Variants in PRMT8 observed in about 807,000 individuals in gnomAD.
PRMT8 encodes the protein protein arginine methyltransferase 8, also known as protein arginine N-methyltransferase 8.
PRMT8 carries 7 observed loss-of-function variants against 47.1 expected under a neutral mutation model. The observed-to-expected ratio is 0.15, with a 90% confidence interval of 0.08 to 0.28. PRMT8 has a LOEUF of 0.28. Among genes scored for constraint, PRMT8 ranks in the 10% least tolerant of loss-of-function variants. The pLI is 1.00. For synonymous variants in PRMT8, 188 were observed against 186.5 expected, an observed-to-expected ratio of 1.01 and a Z score of -0.07; for missense variants, 237 against 505.4, an observed-to-expected ratio of 0.47 and a Z score of 5.09.
Position 3,570,858 on chromosome 12 carries a change from A to C in PRMT8, c.712+1294A>C, listed in dbSNP as rs942015725. ...CTCCAGCCAATCTGGTGTGATTTCC[A>C]CTATTTGACCTCCTGGGGGAAGGAG... On this transcript the variant is annotated intron_variant, in intron 6 of 9. Coordinates refer to ENST00000382622, the MANE Select transcript of PRMT8 (RefSeq NM_019854.5). This position sits in a 1 kb window ranked among gnomAD's most constrained non-coding sequence, Gnocchi z 5.5. Among the ~76,000 whole-genome samples, 1 of 152,144 alleles carries C rather than the reference A, an allele frequency of 6.6e-6. No individual in the cohort carries two copies.
At chr12:3,471,623 AC>A (rs1230131533) in intron 1 of PRMT8, among the ~76,000 whole-genome samples, 1 of 150,956 alleles carries the variant, frequency 6.6e-6, no homozygotes, top group African/African-American at 2.4e-5. Context: ...GCATCTGCTC[AC>A]CCCAACTTCT....
intron 1 of PRMT8, among the ~76,000 whole-genome samples, chr12:3,416,120 G>A (rs111291423): frequency 2.7e-4 from 41 of 152,234 alleles, no homozygotes; most frequent in African/African-American, 7.2e-4. Context: ...AAGCCTCCTC[G>A]GCCTGCCTAG....
chr12:3,394,824 G>A (rs1301351113), intron 1 of PRMT8, among the ~76,000 whole-genome samples: 2 of 151,534 alleles, frequency 1.3e-5, no homozygotes, highest in Non-Finnish European at 3.0e-5. Flanking sequence ...GAATTCAGCT[G>A]TGAATCCATC....
intron 8 of PRMT8, among the ~76,000 whole-genome samples, chr12:3,587,565 C>T (rs1867207802): frequency 6.6e-6 from 1 of 152,152 alleles, no homozygotes; most frequent in African/African-American, 2.4e-5. Context: ...CTGCATCTTC[C>T]TGGATGCCCC....
chr12:3,510,826 A>G (rs908210513), intron 1 of PRMT8, among the ~76,000 whole-genome samples: 2 of 152,162 alleles, frequency 1.3e-5, no homozygotes, highest in African/African-American at 2.4e-5. Flanking sequence ...ACTCCACGTA[A>G]TCCAGTCAAG....
At chr12:3,526,958 A>C (rs373268457) in intron 1 of PRMT8, among the ~76,000 whole-genome samples, 50 of 152,270 alleles carry the variant, frequency 3.3e-4, no homozygotes, top group African/African-American at 1.0e-3. Flanking sequence ...CTTTTAATTG[A>C]AGTGTATAGA....
chr12:3,554,034 C>T (rs1591599514), intron 4 of PRMT8, among the ~76,000 whole-genome samples: 1 of 152,188 alleles, frequency 6.6e-6, no homozygotes, highest in African/African-American at 2.4e-5. Context: ...ATTCCTCCTC[C>T]TCCTCCTCTT....
chr12:3,540,408 A>C (rs1866201311), intron 1 of PRMT8, among the ~76,000 whole-genome samples, 198 bp from the exon 2 acceptor site: 1 of 151,754 alleles, frequency 6.6e-6, no homozygotes, highest in Non-Finnish European at 1.5e-5. Context: ...TCCTCGGTGG[A>C]CTGCCATCTC....
intron 1 of PRMT8, among the ~76,000 whole-genome samples, chr12:3,531,364 G>A (rs2137153618): frequency 6.6e-6 from 1 of 152,328 alleles, no homozygotes; most frequent in South Asian, 2.1e-4. Context: ...TAATGAGGAA[G>A]AGCCAAGCAT....
At position 3,409,150 on chromosome 12, in the gene PRMT8, G is replaced by T. The variant is rs1363886877; in HGVS notation, c.48+27708G>T. ...GAAGGTTCACTCTCTGTGAAGCATG[G>T]GTGAATGCAGATGGCCCACAAAGCT... On this transcript the variant is annotated intron_variant, in intron 1 of 9. Transcript: ENST00000452611. This position sits in a 1 kb window ranked among gnomAD's most constrained non-coding sequence, Gnocchi z 4.4. 3.3e-5 allele frequency among the ~76,000 whole-genome samples: 5 copies of T among 152,104 alleles called. No homozygotes were observed. The highest frequency in any genetic ancestry group is 6.5e-5 in the Admixed American group (1 of 15,286).
chr12:3,393,766 T>C (rs1195235525), intron 1 of PRMT8, among the ~76,000 whole-genome samples: 1 of 124,670 alleles, frequency 8.0e-6, no homozygotes, highest in African/African-American at 3.1e-5. Context: ...CATTGGTAGC[T>C]TGATGGGGAT....
At chr12:3,498,845 C>T (rs565049071) in intron 1 of PRMT8, among the ~76,000 whole-genome samples, 79 of 152,330 alleles carry the variant, frequency 5.2e-4, no homozygotes, top group African/African-American at 1.8e-3. Context: ...TTTAAAACAA[C>T]GAGATGTCTT....
intron 7 of PRMT8, among the ~76,000 whole-genome samples, chr12:3,582,813 G>C (rs539094209): frequency 6.6e-6 from 1 of 152,056 alleles, no homozygotes; most frequent in African/African-American, 2.4e-5. Context: ...TTTATCTTCC[G>C]AATTCTGCTC....
chr12:3,436,394 A>G lies in PRMT8; in HGVS notation c.48+54952A>G, dbSNP rs373317693. Among the ~76,000 whole-genome samples the G allele has an allele frequency of 3.3e-5, 5 of 152,336 alleles. No individual in the cohort carries two copies. Among genetic ancestry groups the G allele is most frequent in the African/African-American group, 9.6e-5 (4 of 41,584 alleles). On this transcript the variant is annotated intron_variant, in intron 1 of 9. Transcript: ENST00000452611. This position sits in a 1 kb window ranked among gnomAD's most constrained non-coding sequence, Gnocchi z 4.2. ...AAAAGCTCCTCATCTTTTCAGCACC[A>G]GCAGCCCCAGGTAAGCCAGGGGCTG...
rs1167184546 is a variant in PRMT8 at position 3,593,159 on chromosome 12, T to A, written c.1162T>A (p.Ser388Thr). The A allele has an allele frequency of 4.3e-6, 7 of 1,613,932 alleles. No individual in the cohort carries two copies. The highest frequency in any genetic ancestry group is 5.9e-6 in the Non-Finnish European group (7 of 1,179,952). ...FKGQLCETSV[S>T]NDYKMR Reference sequence around the variant, plus strand: ...GGGACAGCTGTGTGAAACATCTGTATCTAATGACTACAAAATGCGTTAGCA... The same window carrying A: ...GGGACAGCTGTGTGAAACATCTGTAACTAATGACTACAAAATGCGTTAGCA... Residue 388 changes from serine to threonine, a missense_variant, in exon 10 of 10, where the codon TCT (serine) becomes ACT (threonine). Transcript: ENST00000382622. The surrounding 1 kb of genome is among the most constrained non-coding windows in gnomAD (Gnocchi z 4.8).
At chr12:3,515,490 A>G (rs1410073586) in intron 1 of PRMT8, among the ~76,000 whole-genome samples, 1 of 152,226 alleles carries the variant, frequency 6.6e-6, no homozygotes, top group Non-Finnish European at 1.5e-5. Context: ...CGTTGTGCAC[A>G]TGTACCCTAA....
chr12:3,401,546 C>T (rs1864316978), intron 1 of PRMT8, among the ~76,000 whole-genome samples: 1 of 151,838 alleles, frequency 6.6e-6, no homozygotes, highest in Admixed American at 6.6e-5. Flanking sequence ...TTCTTTGATA[C>T]AGGATAACAT....
chr12:3,383,424 G>A (rs1864110069), intron 1 of PRMT8, among the ~76,000 whole-genome samples: 1 of 152,222 alleles, frequency 6.6e-6, no homozygotes, highest in Non-Finnish European at 1.5e-5. Flanking sequence ...ATAAAAGTCT[G>A]CTATGCGCTG....
chr12:3,513,010 T>C (rs1865736050), intron 1 of PRMT8, among the ~76,000 whole-genome samples: 1 of 152,196 alleles, frequency 6.6e-6, no homozygotes, highest in Non-Finnish European at 1.5e-5. Context: ...TTGCTCATCA[T>C]GTGACAGGTC....
Sources: allele counts gnomAD v4.1 joint callset (sites outside exome capture counted in the v4.1 genomes callset), GRCh38; gene constraint gnomAD v4.1.1; non-coding constraint Gnocchi (gnomAD v3.1); transcripts MANE v1.5; gene names NCBI Gene and HGNC (gene_info 2026-07-23, HGNC 2026-07-21).